The following ZBTB47 variants were observed in gnomAD, a reference collection of about 807,000 sequenced individuals.
ZBTB47 encodes the protein zinc finger and BTB domain-containing protein 47.
ZBTB47 carries 24 observed loss-of-function variants against 56.6 expected under a neutral mutation model. The ratio of observed to expected loss-of-function variants is 0.42; its 90% CI spans 0.31 to 0.60. The LOEUF is 0.60. Among genes scored for constraint, ZBTB47 ranks in the 20% least tolerant of loss-of-function variants. ZBTB47 has a pLI of 0.14. For synonymous variants in ZBTB47, 414 were observed against 418.9 expected, an observed-to-expected ratio of 0.99 and a Z score of 0.14; for missense variants, 829 against 1,032.6, an observed-to-expected ratio of 0.80 and a Z score of 2.70.
Position 42,659,682 on chromosome 3 carries a change from C to G in ZBTB47, c.1327C>G (p.Arg443Gly). The stretch of plus-strand genomic sequence containing the variant: ...GCACCATCCATGCCAGAAGTGCCCA[C>G]GAGTTTTCAACAACCGCTGGTACCT... The part of the protein sequence containing the change: ...KQHHPCQKCP[R>G]VFNNRWYLEK... Residue 443 changes from arginine (R) to glycine (G), a missense_variant, in exon 2 of 6, where the codon CGA becomes GGA. Arg to Gly is a moderately radical substitution (Grantham distance 125). Coordinates refer to ENST00000232974, the MANE Select transcript of ZBTB47 (RefSeq NM_145166.4). 1.9e-6 allele frequency: 3 copies of G among 1,612,988 alleles called. No homozygotes were observed. The highest frequency in any genetic ancestry group is 2.5e-6 in the Non-Finnish European group (3 of 1,179,494).
chr3:42,664,209 C>CGCCCTGCT, intron 5 of ZBTB47, 28 bp from the exon 6 acceptor site: 1 of 1,609,606 alleles, frequency 6.2e-7, no homozygotes, highest in Non-Finnish European at 8.5e-7. Context: ...CCCTCACTGA[C>CGCCCTGCT]GCCCTGCTGC....
chr3:42,655,427 T>G (rs550687433), intron 1 of ZBTB47, among the ~76,000 whole-genome samples: 1 of 152,262 alleles, frequency 6.6e-6, no homozygotes, highest in East Asian at 1.9e-4. Flanking sequence ...AAGGTACCCC[T>G]CAGGTGTAGA....
rs1349703993 is a variant in ZBTB47 at position 42,665,034 on chromosome 3, A to G, written c.*436A>G. 6.4e-6 allele frequency: 1 copy of G among 157,258 alleles called. No homozygotes were observed. Among genetic ancestry groups the G allele is most frequent in the Non-Finnish European group, 1.4e-5 (1 of 71,888 alleles). The allele number at this position is 157,258 out of a possible 1,614,324, so 9.7% of individuals were successfully genotyped here. On this transcript the variant is annotated 3_prime_UTR_variant, in exon 6 of 6. Coordinates refer to ENST00000232974, the MANE Select transcript of ZBTB47 (RefSeq NM_145166.4). ...GGGTCAGCCTCAGCAGCCTATCCCCATGTCCTCTATGCCCCTAATTTGCTT... is the reference window on the plus strand; with the variant it reads ...GGGTCAGCCTCAGCAGCCTATCCCCGTGTCCTCTATGCCCCTAATTTGCTT...
rs560965367 is a variant in ZBTB47 at position 42,662,958 on chromosome 3, C to G, written c.1622-54C>G. On this transcript the variant is annotated intron_variant, in intron 3 of 5. Coordinates refer to ENST00000232974, the MANE Select transcript of ZBTB47 (RefSeq NM_145166.4). ...AGGAGGCAGGGTCTGGGCCCAACGTCGGGGTGCTTGGGCAGGCCCGTAAAA... is the reference window on the plus strand; with the variant it reads ...AGGAGGCAGGGTCTGGGCCCAACGTGGGGGTGCTTGGGCAGGCCCGTAAAA... 8.7e-6 allele frequency: 12 copies of G among 1,373,960 alleles called. 1 individual carries two copies. The South Asian group carries it at 1.3e-4, about 15-fold the overall frequency. 85.1% of individuals were successfully genotyped at this position (1,373,960 alleles called of 1,614,324 possible).
chr3:42,657,918 T>C (rs1423721789), intron 1 of ZBTB47, among the ~76,000 whole-genome samples: 1 of 152,120 alleles, frequency 6.6e-6, no homozygotes, highest in Non-Finnish European at 1.5e-5. Flanking sequence ...CCCCAGAAAA[T>C]GCCCAGGTCC....
At position 42,659,357 on chromosome 3, in the gene ZBTB47, G is replaced by A. The variant is rs1387128269; in HGVS notation, c.1002G>A (p.Glu334=). 3 of 1,463,364 alleles carry A rather than the reference G, an allele frequency of 2.1e-6. No individual in the cohort carries two copies. Among genetic ancestry groups the A allele is most frequent in the Non-Finnish European group, 2.7e-6 (3 of 1,098,738 alleles). The allele number at this position is 1,463,364 out of a possible 1,614,324, so 90.6% of individuals were successfully genotyped here. The change falls in exon 2 of 6, where the codon GAG becomes GAA. Residue 334 remains glutamate (E), a synonymous_variant. Transcript: ENST00000232974. ...EQEEEEEEEE[E]EGPSEQDQES... ...AAGAGGAAGAGGAGGAGGAAGAGGAGGAAGGGCCTAGTGAGCAGGATCAAG... is the reference window on the plus strand; with the variant it reads ...AAGAGGAAGAGGAGGAGGAAGAGGAAGAAGGGCCTAGTGAGCAGGATCAAG...
rs953940991 is a variant in ZBTB47 at position 42,667,164 on chromosome 3, C to T, written c.*2566C>T. 3.9e-5 allele frequency among the ~76,000 whole-genome samples: 6 copies of T among 152,248 alleles called. No homozygotes were observed. Among genetic ancestry groups the T allele is most frequent in the African/African-American group, 9.6e-5 (4 of 41,460 alleles). On this transcript the variant is annotated 3_prime_UTR_variant, in exon 6 of 6. Transcript: ENST00000232974. The stretch of plus-strand genomic sequence containing the variant: ...CGACTAGGGCACCATACTCACTTTC[C>T]AGGGCTGGGGGAAGGGGGACGCAGG...
At position 42,659,701 on chromosome 3, in the gene ZBTB47, G is replaced by C; in HGVS notation, c.1346G>C (p.Trp449Ser). 1 of 1,613,572 alleles carries C rather than the reference G, an allele frequency of 6.2e-7. No homozygotes were observed. ...QKCPRVFNNR[W>S]YLEKHMNVTH... ...TGCCCACGAGTTTTCAACAACCGCT[G>C]GTACCTGGAGAAACACATGAATGTG... Residue 449 changes from tryptophan (W) to serine (S), a missense_variant, in exon 2 of 6, where the codon TGG becomes TCG. This residue lies in a region of ZBTB47 where 187 missense variants were observed against 253.1 expected (regional missense o/e 0.74). Transcript: ENST00000232974.
At chr3:42,655,328 G>A (rs1338928293) in intron 1 of ZBTB47, among the ~76,000 whole-genome samples, 1 of 152,156 alleles carries the variant, frequency 6.6e-6, no homozygotes, top group Non-Finnish European at 1.5e-5. Context: ...TGGGAGGGGG[G>A]CGCAGATGGA....
chr3:42,661,665 G>A, intron 3 of ZBTB47, 33 bp downstream of exon 3: 5 of 1,610,082 alleles, frequency 3.1e-6, no homozygotes, highest in East Asian at 2.2e-5. Flanking sequence ...TGGAGCCAGA[G>A]GATAGAGATG....
At chr3:42,661,704 G>C in intron 3 of ZBTB47, 72 bp downstream of exon 3, 1 of 1,574,692 alleles carries the variant, frequency 6.4e-7, no homozygotes, top group Admixed American at 1.8e-5. Flanking sequence ...GGATGGGAAA[G>C]ACTTCACATC....
chr3:42,663,034 C>T lies in ZBTB47; in HGVS notation c.1644C>T (p.Phe548=), dbSNP rs1296835999. The T allele has an allele frequency of 1.9e-6, 3 of 1,613,754 alleles. No homozygotes were observed. The African/African-American group carries it at 4.0e-5, about 22-fold the overall frequency. Residue 548 remains phenylalanine (F), a synonymous_variant, in exon 4 of 6, where the codon TTC becomes TTT. Transcript: ENST00000232974. The surrounding 1 kb of genome is among the most constrained non-coding windows in gnomAD (Gnocchi z 5.1). Reference sequence around the variant, plus strand: ...TAGCCCACACCAAGGACATGCCCTTCACCTGCGAGACCTGCGGAAAGTCCT... The same window carrying T: ...TAGCCCACACCAAGGACATGCCCTTTACCTGCGAGACCTGCGGAAAGTCCT... The part of the protein sequence containing the change: ...HMVAHTKDMP[F]TCETCGKSFK...
rs1710743389 is a variant in ZBTB47 at position 42,663,241 on chromosome 3, AAGAG to A, written c.1737+119_1737+122del. 1.3e-6 allele frequency: 1 copy of A among 770,906 alleles called. No homozygotes were observed. The highest frequency in any genetic ancestry group is 2.7e-5 in the East Asian group (1 of 37,652). The allele number at this position is 770,906 out of a possible 1,614,324, so 47.8% of individuals were successfully genotyped here. On this transcript the variant is annotated intron_variant, in intron 4 of 5. Coordinates refer to ENST00000232974, the MANE Select transcript of ZBTB47 (RefSeq NM_145166.4). The surrounding 1 kb of genome is among the most constrained non-coding windows in gnomAD (Gnocchi z 5.1). ...TAGGGGGTGGAATGTAGTGTCCAGA[AAGAG>A]AGAGCCCTGCCCTCTGAGGTCTGCA...
At chr3:42,655,772 G>C (rs1042015464) in intron 1 of ZBTB47, among the ~76,000 whole-genome samples, 1 of 152,240 alleles carries the variant, frequency 6.6e-6, no homozygotes. Context: ...TCTGTGCCCA[G>C]TCAAGAGAGT....
At position 42,656,381 on chromosome 3, in the gene ZBTB47, A is replaced by G. The variant is rs1264234735; in HGVS notation, c.-81-1894A>G. Reference sequence around the variant, plus strand: ...GAGTCCAGGGGCTCTGGACTGTGGAACCCTCTCATTCTGAGCCTCGGTTTC... The same window carrying G: ...GAGTCCAGGGGCTCTGGACTGTGGAGCCCTCTCATTCTGAGCCTCGGTTTC... On this transcript the variant is annotated intron_variant, in intron 1 of 5. Transcript: ENST00000232974. The surrounding 1 kb of genome is among the most constrained non-coding windows in gnomAD (Gnocchi z 5.8). Among the ~76,000 whole-genome samples, 1 of 151,978 alleles carries G rather than the reference A, an allele frequency of 6.6e-6. No homozygotes were observed. The highest frequency in any genetic ancestry group is 1.5e-5 in the Non-Finnish European group (1 of 67,988).
rs2125836856 is a variant in ZBTB47 at position 42,658,705 on chromosome 3, C to T, written c.350C>T (p.Pro117Leu). ...ELLDARSLGP[P>L]GPGTVALAQP... ...CTGGACGCCCGCTCTCTAGGCCCAC[C>T]AGGTCCGGGCACTGTGGCCCTGGCC... The change falls in exon 2 of 6, where the codon CCA becomes CTA. Residue 117 changes from proline (P) to leucine (L), a missense_variant. Physicochemically the swap from Pro to Leu is moderately conservative, Grantham distance 98. Coordinates refer to ENST00000232974, the MANE Select transcript of ZBTB47 (RefSeq NM_145166.4). 3 of 1,535,592 alleles carry T rather than the reference C, an allele frequency of 2.0e-6. No individual in the cohort carries two copies. The East Asian group carries it at 7.3e-5, about 38-fold the overall frequency.
In ZBTB47 at chr3:42,656,268, G is replaced by A. The variant is rs1044818054; in HGVS notation, c.-81-2007G>A. ...GAAGCACGGCTGGTCTCCAGGTGGC[G>A]GGATGTTCTCGCTTTTTAAGTCATT... On this transcript the variant is annotated intron_variant, in intron 1 of 5. Transcript: ENST00000232974. This position sits in a 1 kb window ranked among gnomAD's most constrained non-coding sequence, Gnocchi z 5.8. Among the ~76,000 whole-genome samples the A allele has an allele frequency of 1.3e-4, 20 of 152,152 alleles. No individual in the cohort carries two copies. The highest frequency in any genetic ancestry group is 2.6e-4 in the Admixed American group (4 of 15,282).
Position 42,659,741 on chromosome 3 carries a change from G to T in ZBTB47, c.1386G>T (p.Met462Ile). The T allele has an allele frequency of 6.2e-7, 1 of 1,613,900 alleles. No homozygotes were observed. The highest frequency in any genetic ancestry group is 8.5e-7 in the Non-Finnish European group (1 of 1,179,850). The change falls in exon 2 of 6, where the codon ATG (methionine) becomes ATT (isoleucine). Residue 462 changes from methionine (M) to isoleucine (I), a missense_variant. Physicochemically the swap from Met to Ile is conservative, Grantham distance 10. Transcript: ENST00000232974. ...ACATGAATGTGACCCACAGCCGCAT[G>T]CAGATCTGCGACCAGTGCGGCAAGC... ...EKHMNVTHSR[M>I]QICDQCGKRF... is the part of the protein sequence containing the mutation.
At chr3:42,660,583 G>T (rs1710701384) in intron 2 of ZBTB47, among the ~76,000 whole-genome samples, 1 of 152,200 alleles carries the variant, frequency 6.6e-6, no homozygotes, top group Non-Finnish European at 1.5e-5. Flanking sequence ...CCCACGGGTG[G>T]TTTTCACCTC....
Sources: allele counts gnomAD v4.1 joint callset (sites outside exome capture counted in the v4.1 genomes callset), GRCh38; gene constraint gnomAD v4.1.1; regional missense constraint gnomAD v4.1.1; non-coding constraint Gnocchi (gnomAD v3.1); transcripts MANE v1.5; gene names NCBI Gene and HGNC (gene_info 2026-07-23, HGNC 2026-07-21).